Variants in VAV2 observed in about 807,000 individuals in gnomAD.
VAV2 encodes guanine nucleotide exchange factor VAV2.
A neutral mutation model predicts 132.5 loss-of-function variants in VAV2; 67 were observed. The ratio of observed to expected loss-of-function variants is 0.51; its 90% confidence interval spans 0.42 to 0.62. VAV2 has a LOEUF of 0.62. Among genes scored for constraint, VAV2 ranks in the 20% least tolerant of loss-of-function variants. The pLI, the probability that VAV2 is intolerant of heterozygous loss-of-function variation, is 0.00. For missense variants in VAV2, 938 were observed against 1,153.6 expected (o/e 0.81, Z 2.71); for synonymous variants, 492 against 443.5 (o/e 1.11, Z -1.37).
At chr9:133,803,191 G>A (rs1257747326) in intron 9 of VAV2, among the ~76,000 whole-genome samples, 1 of 152,120 alleles carries the variant, frequency 6.6e-6, no homozygotes, top group East Asian at 1.9e-4. Flanking sequence ...CTCCACATAC[G>A]CAGGGAGATC....
In VAV2 at chr9:133,840,393, TC is replaced by T. The variant is rs950886408; in HGVS notation, c.381-6054del. ...TCCCAAACGACCCATCCAATCCCAC[TC>T]CCCAAGCTTCCTCAGCACCCACTCC... On this transcript the variant is annotated intron_variant, in intron 3 of 29. Transcript: ENST00000371850. The surrounding 1 kb of genome is among the most constrained non-coding windows in gnomAD (Gnocchi z 4.5). 4.6e-5 allele frequency among the ~76,000 whole-genome samples: 7 copies of T among 151,576 alleles called. No homozygotes were observed. Among genetic ancestry groups the T allele is most frequent in the African/African-American group, 1.7e-4 (7 of 41,202 alleles).
At chr9:133,873,969 C>A (rs571380463) in intron 2 of VAV2, among the ~76,000 whole-genome samples, 1 of 152,328 alleles carries the variant, frequency 6.6e-6, no homozygotes, top group South Asian at 2.1e-4. Context: ...CTCCTGCCTG[C>A]CAGATCTTTC....
intron 2 of VAV2, among the ~76,000 whole-genome samples, chr9:133,869,304 GACA>G (rs1486725633): frequency 1.3e-5 from 2 of 151,938 alleles, no homozygotes; most frequent in African/African-American, 4.8e-5. Flanking sequence ...CTTAAACAAC[GACA>G]ACAACAAAGT....
chr9:133,957,762 C>T (rs1258662412), intron 1 of VAV2, among the ~76,000 whole-genome samples: 1 of 152,164 alleles, frequency 6.6e-6, no homozygotes, highest in African/African-American at 2.4e-5. Context: ...TGAGCTCCAC[C>T]AAGTAAAAAT....
chr9:133,772,076 C>T (rs653967), intron 25 of VAV2, 30 bp from the exon 26 acceptor site: 36,237 of 1,452,734 alleles, frequency 0.025, 487 homozygotes, highest in African/African-American at 0.042. Context: ...CGGCGGTCAC[C>T]GCGTGAGGGC....
At chr9:133,890,881 A>T (rs1376262672) in intron 2 of VAV2, among the ~76,000 whole-genome samples, 1 of 152,086 alleles carries the variant, frequency 6.6e-6, no homozygotes, top group Non-Finnish European at 1.5e-5. Context: ...GGATGTGGGC[A>T]CTACGGAGGG....
At chr9:133,779,976 G>A (rs766499268) in intron 20 of VAV2, 37 bp from the exon 21 acceptor site, 3 of 1,611,172 alleles carry the variant, frequency 1.9e-6, no homozygotes, top group Non-Finnish European at 2.5e-6. Flanking sequence ...GATGAGGGAA[G>A]GCTGCTCTTT....
At chr9:133,800,608 A>G (rs1330993437) in intron 9 of VAV2, among the ~76,000 whole-genome samples, 1 of 152,182 alleles carries the variant, frequency 6.6e-6, no homozygotes, top group Non-Finnish European at 1.5e-5. Context: ...GCAAGTCTTC[A>G]TGTAGGTGGA....
At chr9:133,770,096 GT>G (rs1369919349) in intron 27 of VAV2, among the ~76,000 whole-genome samples, 1 of 152,200 alleles carries the variant, frequency 6.6e-6, no homozygotes, top group Non-Finnish European at 1.5e-5. Context: ...ATGCGCAGGG[GT>G]CTCTGCCTGG....
At chr9:133,838,612 T>C (rs1048206784) in intron 3 of VAV2, among the ~76,000 whole-genome samples, 2 of 139,796 alleles carry the variant, frequency 1.4e-5, no homozygotes, top group East Asian at 2.2e-4. Context: ...GATGGATGTA[T>C]GGGTGTATGG....
chr9:133,868,269 C>G (rs997579762), intron 2 of VAV2, among the ~76,000 whole-genome samples: 4 of 152,220 alleles, frequency 2.6e-5, no homozygotes, highest in Non-Finnish European at 5.9e-5. Context: ...GCCCACAGCA[C>G]AGCAGGCACC....
At chr9:133,976,990 C>T (rs1291104491) in intron 1 of VAV2, among the ~76,000 whole-genome samples, 2 of 152,334 alleles carry the variant, frequency 1.3e-5, no homozygotes, top group African/African-American at 2.4e-5. Flanking sequence ...CACCCCAAGG[C>T]TGAAGGGGGT....
At chr9:133,809,008 G>A (rs375084946) in intron 7 of VAV2, 32 bp downstream of exon 7, 9 of 1,599,614 alleles carry the variant, frequency 5.6e-6, no homozygotes, top group African/African-American at 2.7e-5. Flanking sequence ...AGTGGCCGCT[G>A]CCATTTTCCA....
chr9:133,828,861 T>C (rs1385974112), intron 4 of VAV2, among the ~76,000 whole-genome samples: 9 of 152,240 alleles, frequency 5.9e-5, no homozygotes, highest in Admixed American at 5.9e-4. Flanking sequence ...CAACTCCTCC[T>C]GCTGGGATAG....
chr9:133,838,823 G>T (rs1266650197), intron 3 of VAV2, among the ~76,000 whole-genome samples: 1 of 134,548 alleles, frequency 7.4e-6, no homozygotes, highest in African/African-American at 2.8e-5. Context: ...GAATGGATAG[G>T]TTGGTGAGTG....
intron 2 of VAV2, among the ~76,000 whole-genome samples, chr9:133,906,103 G>A (rs537227691): frequency 2.6e-5 from 4 of 152,284 alleles, no homozygotes; most frequent in Non-Finnish European, 4.4e-5. Flanking sequence ...CCTTCCAGAC[G>A]GTAAGTCTGG....
rs1218387136 is a variant in VAV2 at position 133,883,900 on chromosome 9, C to T, written c.322-22468G>A. Among the ~76,000 whole-genome samples, 1 of 152,138 alleles carries T rather than the reference C, an allele frequency of 6.6e-6. No homozygotes were observed. The highest frequency in any genetic ancestry group is 1.9e-4 in the East Asian group (1 of 5,188). ...CCTGTAATCCCAGCACTTTGGGAGG[C>T]TGAGGCAGGCAGATCACAAGGTCAG... is the stretch of plus-strand genomic sequence containing the variant. On this transcript the variant is annotated intron_variant, in intron 2 of 29. Coordinates refer to ENST00000371850, the MANE Select transcript of VAV2 (RefSeq NM_001134398.2). This position sits in a 1 kb window ranked among gnomAD's most constrained non-coding sequence, Gnocchi z 4.2.
chr9:133,906,639 C>T (rs59176820), intron 2 of VAV2, among the ~76,000 whole-genome samples: 6,014 of 152,294 alleles, frequency 0.039, 351 homozygotes, highest in African/African-American at 0.14. Flanking sequence ...ACTGACCCCA[C>T]ACCCTGGACC....
At position 133,787,239 on chromosome 9, in the gene VAV2, T is replaced by C; in HGVS notation, c.1422+7A>G. 6.3e-7 allele frequency: 1 copy of C among 1,582,484 alleles called. No individual in the cohort carries two copies. Among genetic ancestry groups the C allele is most frequent in the East Asian group, 2.3e-5 (1 of 43,474 alleles). ...CAGGTGGGAGGACCTGGGCGCTAGG[T>C]GCTTACCATTTTCCCGTGAGACTAG... is the stretch of plus-strand genomic sequence containing the variant. On this transcript the variant is annotated splice_region_variant and intron_variant, in intron 16 of 29. Coordinates refer to ENST00000371850, the MANE Select transcript of VAV2 (RefSeq NM_001134398.2).
Sources: gnomAD v4.1 joint callset for allele counts (sites outside exome capture counted in the v4.1 genomes callset) on GRCh38, gnomAD v4.1.1 for gene constraint, Gnocchi (gnomAD v3.1) non-coding constraint, MANE v1.5 for transcripts, NCBI Gene and HGNC (gene_info 2026-07-23, HGNC 2026-07-21) for gene names.